IL1RAPL1: variants seen among roughly 807,000 people sequenced by gnomAD.
IL1RAPL1 encodes interleukin 1 receptor accessory protein like 1.
In IL1RAPL1, 3 loss-of-function variants were observed where a neutral mutation model predicts 48.4. That is an observed-to-expected ratio of 0.06 (90% CI 0.03 to 0.16). The LOEUF is 0.16. Among genes scored for constraint, IL1RAPL1 ranks in the 10% least tolerant of loss-of-function variants. IL1RAPL1 has a pLI of 1.00. For synonymous variants in IL1RAPL1, 185 were observed against 187.7 expected (o/e 0.99, Z 0.12); for missense variants, 349 against 530.6 (o/e 0.66, Z 3.36).
intron 6 of IL1RAPL1, among the ~76,000 whole-genome samples, chrX:29,911,471 A>G (rs1601879212): frequency 1.8e-5 from 2 of 112,182 alleles, no homozygotes; most frequent in Admixed American, 9.5e-5. Flanking sequence ...TGTGAATTGT[A>G]TCTCAGTAAA....
At chrX:28,892,224 G>A (rs747151851) in intron 2 of IL1RAPL1, among the ~76,000 whole-genome samples, 24 of 109,254 alleles carry the variant, frequency 2.2e-4, no homozygotes, top group African/African-American at 8.0e-4. Flanking sequence ...GAGAGTCAGC[G>A]AAGGGAGTTG....
chrX:29,146,888 C>A (rs140296947), intron 2 of IL1RAPL1, among the ~76,000 whole-genome samples: 1,457 of 112,464 alleles, frequency 0.013, 31 homozygotes, highest in African/African-American at 0.045. Flanking sequence ...AAATGACCCA[C>A]TGGAAGAAGC....
intron 2 of IL1RAPL1, among the ~76,000 whole-genome samples, chrX:28,872,536 T>C (rs1308302881): frequency 8.9e-6 from 1 of 112,451 alleles, no homozygotes; most frequent in African/African-American, 3.2e-5. Flanking sequence ...GCCCACTGCC[T>C]AGGAGTTAGC....
intron 1 of IL1RAPL1, among the ~76,000 whole-genome samples, chrX:28,750,095 G>A (rs1601886632): frequency 9.2e-6 from 1 of 108,920 alleles, no homozygotes; most frequent in Admixed American, 9.9e-5. Context: ...TGGGATTACA[G>A]GCATGTGTCA....
intron 5 of IL1RAPL1, among the ~76,000 whole-genome samples, chrX:29,481,356 A>G (rs902644232): frequency 3.5e-5 from 4 of 112,956 alleles, no homozygotes; most frequent in Admixed American, 2.8e-4. Flanking sequence ...TTAAAAAAGC[A>G]GTAGCATCTA....
At chrX:29,714,406 A>G (rs778670308) in intron 6 of IL1RAPL1, among the ~76,000 whole-genome samples, 35 of 112,228 alleles carry the variant, frequency 3.1e-4, no homozygotes, top group Admixed American at 5.7e-4. Flanking sequence ...ACCAAAGAGT[A>G]ATAAATTACT....
chrX:29,868,473 A>G (rs1007414218), intron 6 of IL1RAPL1, among the ~76,000 whole-genome samples: 1 of 112,111 alleles, frequency 8.9e-6, no homozygotes, highest in African/African-American at 3.2e-5. Flanking sequence ...GACTTAAAAT[A>G]ATAAATTCCA....
intron 2 of IL1RAPL1, among the ~76,000 whole-genome samples, chrX:29,183,299 C>T (rs1448582480): frequency 8.9e-6 from 1 of 111,793 alleles, no homozygotes; most frequent in East Asian, 2.8e-4. Flanking sequence ...CTCTGATCAT[C>T]TCCCATCTGA....
At chrX:28,923,927 T>C (rs749128136) in intron 2 of IL1RAPL1, 1 of 111,779 alleles carries the variant, frequency 8.9e-6, no homozygotes, top group Non-Finnish European at 1.9e-5. Context: ...AAATAAAACT[T>C]TTAATGTTTG....
intron 3 of IL1RAPL1, among the ~76,000 whole-genome samples, chrX:29,386,987 A>C: frequency 8.9e-6 from 1 of 112,698 alleles, no homozygotes; most frequent in Non-Finnish European, 1.9e-5. Context: ...TTATGAAACA[A>C]CATCCTTTTT....
intron 5 of IL1RAPL1, among the ~76,000 whole-genome samples, chrX:29,494,628 C>T (rs766269189): frequency 3.6e-5 from 4 of 111,771 alleles, no homozygotes; most frequent in South Asian, 3.8e-4. Context: ...TTAATGAGTT[C>T]GTTTCTTTTA....
At chrX:29,759,991 A>C (rs1397938192) in intron 6 of IL1RAPL1, among the ~76,000 whole-genome samples, 1 of 111,827 alleles carries the variant, frequency 8.9e-6, no homozygotes, top group Non-Finnish European at 1.9e-5. Context: ...GGCAAAGCAT[A>C]AATTTCTAAG....
intron 2 of IL1RAPL1, among the ~76,000 whole-genome samples, chrX:29,198,342 A>C (rs1464857084): frequency 3.7e-5 from 4 of 108,786 alleles, no homozygotes; most frequent in Non-Finnish European, 7.6e-5. Context: ...TGTCACCCAG[A>C]CTGGAATGCA....
At chrX:28,771,937 CAAA>C (rs5901904) in intron 1 of IL1RAPL1, among the ~76,000 whole-genome samples, 1 of 42,008 alleles carries the variant, frequency 2.4e-5, no homozygotes, top group Non-Finnish European at 4.2e-5. Flanking sequence ...GACTCCGTCT[CAAA>C]AAAAAAAAAA....
At position 29,776,710 on chromosome X, in the gene IL1RAPL1, C is replaced by A. The variant is rs762423787; in HGVS notation, c.778+108206C>A. ...TTTAGACTATTTTATGGTTTATAGT[C>A]TCTTTTTGATCAGCTGTGGGTGCCC... On this transcript the variant is annotated intron_variant, in intron 6 of 10. Transcript: ENST00000378993. Among the ~76,000 whole-genome samples, 7 of 111,610 alleles carry A rather than the reference C, an allele frequency of 6.3e-5. No homozygotes were observed. In the Admixed American group the frequency reaches 6.7e-4, roughly 11 times the overall value.
intron 2 of IL1RAPL1, among the ~76,000 whole-genome samples, chrX:28,954,158 G>T (rs1311584655): frequency 1.8e-5 from 2 of 111,106 alleles, no homozygotes; most frequent in African/African-American, 6.5e-5. Flanking sequence ...CAATTTCAGT[G>T]TTCTTTCTTT....
At chrX:29,610,879 G>A (rs941116020) in intron 5 of IL1RAPL1, among the ~76,000 whole-genome samples, 3 of 112,008 alleles carry the variant, frequency 2.7e-5, no homozygotes, top group Non-Finnish European at 3.8e-5. Context: ...ATGGCTAAGT[G>A]TTGAGGACTA....
chrX:29,459,721 G>C (rs1197860043), intron 5 of IL1RAPL1, among the ~76,000 whole-genome samples: 2 of 111,683 alleles, frequency 1.8e-5, no homozygotes, highest in Non-Finnish European at 3.8e-5. Context: ...CCTAAATCTA[G>C]ATAATTAACA....
chrX:29,584,404 A>G (rs1260023356), intron 5 of IL1RAPL1, among the ~76,000 whole-genome samples: 1 of 111,096 alleles, frequency 9.0e-6, no homozygotes, highest in Non-Finnish European at 1.9e-5. Context: ...TCTCTTTTCC[A>G]TAATTGCAAT....
Sources: gnomAD v4.1 joint callset for allele counts (sites outside exome capture counted in the v4.1 genomes callset) on GRCh38, gnomAD v4.1.1 for gene constraint, MANE v1.5 for transcripts, NCBI Gene and HGNC (gene_info 2026-07-23, HGNC 2026-07-21) for gene names.